The following ARMC2 variants were observed in gnomAD, a reference collection of about 807,000 sequenced individuals.
ARMC2 encodes the protein armadillo repeat containing 2, also known as armadillo repeat-containing protein 2.
Under a neutral mutation model 90.3 loss-of-function variants are expected in ARMC2, and 67 were observed. The ratio of observed to expected loss-of-function variants is 0.74; its 90% CI spans 0.61 to 0.91. The LOEUF is 0.91. ARMC2 is among the 40% of genes least tolerant of loss of function. ARMC2 has a pLI of 0.00. For missense variants in ARMC2, 920 were observed against 1,030.9 expected (o/e 0.89, Z 1.47); for synonymous variants, 393 against 393.0 (o/e 1.00, Z 0.00).
At chr6:108,867,082 GACTC>G (rs915742152) in intron 3 of ARMC2, among the ~76,000 whole-genome samples, 6 of 152,152 alleles carry the variant, frequency 3.9e-5, no homozygotes, top group African/African-American at 1.2e-4. Context: ...ATTGGATAGT[GACTC>G]ACTCATTCAC....
the ARMC2 span, chr6:109,000,656 C>G: frequency 1.3e-6 from 2 of 1,597,002 alleles, no homozygotes; most frequent in African/African-American, 2.7e-5. Context: ...AGTAGGAGCA[C>G]TGATGTCTTG....
intron 5 of ARMC2, among the ~76,000 whole-genome samples, chr6:108,892,907 A>G (rs1327214388): frequency 6.6e-6 from 1 of 152,188 alleles, no homozygotes; most frequent in East Asian, 1.9e-4. Flanking sequence ...CAGGAAGGAG[A>G]AGCCACGGGC....
At chr6:108,909,454 A>T (rs9372202) in intron 8 of ARMC2, among the ~76,000 whole-genome samples, 6,207 of 145,314 alleles carry the variant, frequency 0.043, 249 homozygotes, top group East Asian at 0.21. Flanking sequence ...TTTGCTTTTT[A>T]AAAAAAAAAA....
At chr6:109,009,326 CCCA>C in the ARMC2 span, 1 of 1,460,050 alleles carries the variant, frequency 6.8e-7, no homozygotes, top group Admixed American at 2.5e-5. Flanking sequence ...CGCCCAGGTA[CCCA>C]GCGGCCCGCT....
intron 6 of ARMC2, among the ~76,000 whole-genome samples, chr6:108,896,302 C>A (rs1475153012): frequency 6.6e-6 from 1 of 152,078 alleles, no homozygotes; most frequent in South Asian, 2.1e-4. Context: ...TACCCAATTT[C>A]CTGTTGAATC....
downstream of ARMC2, among the ~76,000 whole-genome samples, chr6:108,978,290 T>C (rs184535728): frequency 2.3e-3 from 358 of 152,342 alleles, 1 homozygote; most frequent in African/African-American, 8.4e-3. Context: ...TTGTTCAGTT[T>C]CCATGTAGTT....
intron 11 of ARMC2, among the ~76,000 whole-genome samples, chr6:108,930,580 C>G (rs1009284983): frequency 9.0e-5 from 13 of 143,726 alleles, no homozygotes; most frequent in Non-Finnish European, 1.5e-5. Context: ...TTGTCAAATG[C>G]TTGCCCTGAA....
At chr6:108,849,399 C>T (rs753679285) in intron 1 of ARMC2, among the ~76,000 whole-genome samples, 2 of 152,116 alleles carry the variant, frequency 1.3e-5, no homozygotes, top group Non-Finnish European at 2.9e-5. Flanking sequence ...GTACCACCAC[C>T]CACCTTTTAA....
chr6:109,004,041 GA>G, the ARMC2 span, among the ~76,000 whole-genome samples: 2 of 152,166 alleles, frequency 1.3e-5, no homozygotes, highest in African/African-American at 2.4e-5. Context: ...TCAAATGGGG[GA>G]AAATGAATTA....
chr6:108,988,732 C>T, the ARMC2 span: 9 of 1,483,264 alleles, frequency 6.1e-6, no homozygotes, highest in Non-Finnish European at 8.2e-6. Context: ...CAGTGTATAA[C>T]CTGTTTTCAT....
chr6:109,015,062 G>C, the ARMC2 span, among the ~76,000 whole-genome samples: 1 of 152,102 alleles, frequency 6.6e-6, no homozygotes, highest in Non-Finnish European at 1.5e-5. Context: ...CTGAAGAGAT[G>C]TTTCCATTAA....
the ARMC2 span, among the ~76,000 whole-genome samples, chr6:109,004,888 G>C: frequency 4.6e-5 from 7 of 152,290 alleles, no homozygotes; most frequent in Non-Finnish European, 1.5e-5. Context: ...TTGATCACAG[G>C]CTGTATTGGA....
intron 11 of ARMC2, among the ~76,000 whole-genome samples, chr6:108,935,592 C>T (rs959087970): frequency 2.0e-5 from 3 of 152,088 alleles, no homozygotes; most frequent in Non-Finnish European, 4.4e-5. Context: ...CAAGCATGCA[C>T]CACCACACCC....
At chr6:108,848,733 G>T (rs1003285710) in intron 1 of ARMC2, 187 bp downstream of exon 1, 2 of 152,620 alleles carry the variant, frequency 1.3e-5, no homozygotes, top group African/African-American at 4.8e-5. Context: ...TGGCCGGGCG[G>T]GGTGAGGATG....
chr6:109,029,897 C>T, the ARMC2 span, among the ~76,000 whole-genome samples: 9 of 152,080 alleles, frequency 5.9e-5, no homozygotes, highest in Admixed American at 1.3e-4. Flanking sequence ...TATCTAATTA[C>T]GTTATATTTT....
chr6:108,849,018 G>C (rs887348672), intron 1 of ARMC2, among the ~76,000 whole-genome samples: 6 of 152,188 alleles, frequency 3.9e-5, no homozygotes, highest in Non-Finnish European at 8.8e-5. Flanking sequence ...TGTTGAATGA[G>C]AGTGGTAGAC....
chr6:108,891,477 T>C (rs1771017635), intron 5 of ARMC2, among the ~76,000 whole-genome samples: 1 of 152,264 alleles, frequency 6.6e-6, no homozygotes, highest in Non-Finnish European at 1.5e-5. Context: ...CATTGTGGTT[T>C]TGATTTGCAT....
intron 6 of ARMC2, among the ~76,000 whole-genome samples, chr6:108,899,268 A>G (rs1330347350): frequency 6.6e-6 from 1 of 152,222 alleles, no homozygotes; most frequent in Non-Finnish European, 1.5e-5. Flanking sequence ...TTTTATTTCT[A>G]TAGAAAATGT....
At chr6:108,932,011 C>T (rs1266675700) in intron 11 of ARMC2, among the ~76,000 whole-genome samples, 2 of 151,826 alleles carry the variant, frequency 1.3e-5, no homozygotes, top group South Asian at 4.2e-4. Flanking sequence ...GTGATCTGCC[C>T]GCCTCAGCCT....
Sources: allele counts gnomAD v4.1 joint callset (sites outside exome capture counted in the v4.1 genomes callset), GRCh38; gene constraint gnomAD v4.1.1; transcripts MANE v1.5; gene names NCBI Gene and HGNC (gene_info 2026-07-23, HGNC 2026-07-21).